Variants in AFAP1 observed in about 807,000 individuals in gnomAD.
AFAP1 encodes actin filament associated protein 1.
Under a neutral mutation model 93.9 loss-of-function variants are expected in AFAP1, and 75 were observed. The observed-to-expected ratio is 0.80, with a 90% CI of 0.66 to 0.97. AFAP1 has a LOEUF of 0.97. AFAP1 is among the 50% of genes least tolerant of loss of function. The probability of loss-of-function intolerance (pLI) is 0.00; values close to 1 mark genes in which losing one functional copy is unlikely to be tolerated. For synonymous variants in AFAP1, 517 were observed against 430.7 expected (o/e 1.20, Z -2.48); for missense variants, 1,201 against 1,050.8 (o/e 1.14, Z -1.98).
At chr4:7,870,573 C>T (rs534447049) in intron 2 of AFAP1, among the ~76,000 whole-genome samples, 1 of 152,132 alleles carries the variant, frequency 6.6e-6, no homozygotes, top group East Asian at 1.9e-4. Flanking sequence ...GGGAGGATCA[C>T]CTGAGCCTGG....
intron 1 of AFAP1, among the ~76,000 whole-genome samples, chr4:7,930,446 A>T (rs1281841108): frequency 6.6e-6 from 1 of 151,824 alleles, no homozygotes; most frequent in Non-Finnish European, 1.5e-5. Flanking sequence ...CCCTCCCCGG[A>T]GGTAGGGGTA....
intron 1 of AFAP1, among the ~76,000 whole-genome samples, chr4:7,930,137 G>A (rs1577368322): frequency 6.6e-6 from 1 of 152,286 alleles, no homozygotes; most frequent in South Asian, 2.1e-4. Flanking sequence ...CACACAAAGT[G>A]CTTGGCACTT....
intron 1 of AFAP1, among the ~76,000 whole-genome samples, chr4:7,928,638 G>A (rs896697900): frequency 1.3e-5 from 2 of 152,100 alleles, no homozygotes; most frequent in Non-Finnish European, 2.9e-5. Flanking sequence ...CGCCCACCTT[G>A]GCCTCCCAAA....
intron 2 of AFAP1, among the ~76,000 whole-genome samples, chr4:7,869,916 G>A (rs1716879023): frequency 6.6e-6 from 1 of 152,184 alleles, no homozygotes; most frequent in Non-Finnish European, 1.5e-5. Context: ...AAGAATTCAT[G>A]AATTGAAAAA....
intron 6 of AFAP1, among the ~76,000 whole-genome samples, chr4:7,826,394 G>A (rs1409995486): frequency 6.6e-6 from 1 of 152,068 alleles, no homozygotes; most frequent in Non-Finnish European, 1.5e-5. Context: ...GCAGAGAGAC[G>A]CCCCTCCCAG....
intron 14 of AFAP1, chr4:7,775,244 A>T (rs1383918202): frequency 9.7e-6 from 2 of 206,956 alleles, no homozygotes; most frequent in East Asian, 1.3e-4. Flanking sequence ...CTAATTCAAC[A>T]AGAAAAGGAC....
At chr4:7,920,967 A>G (rs965992273) in intron 1 of AFAP1, among the ~76,000 whole-genome samples, 6 of 151,608 alleles carry the variant, frequency 4.0e-5, no homozygotes, top group East Asian at 3.9e-4. Context: ...TAAACTATAT[A>G]TTATATATAT....
intron 1 of AFAP1, among the ~76,000 whole-genome samples, chr4:7,873,273 C>T (rs543350306): frequency 7.1e-6 from 1 of 141,272 alleles, no homozygotes; most frequent in South Asian, 2.2e-4. Flanking sequence ...CCCACTTTCA[C>T]TTAGGAGTGT....
intron 10 of AFAP1, 128 bp from the exon 11 acceptor site, chr4:7,793,954 A>G: frequency 9.9e-6 from 11 of 1,110,644 alleles, no homozygotes; most frequent in Non-Finnish European, 1.3e-5. Context: ...AGAAACGAAA[A>G]GGAAGATGGC....
intron 1 of AFAP1, among the ~76,000 whole-genome samples, chr4:7,877,265 T>C (rs1430976279): frequency 1.3e-5 from 2 of 152,232 alleles, no homozygotes; most frequent in East Asian, 3.8e-4. Context: ...AGGAAGAGAA[T>C]GACCATTTTC....
intron 13 of AFAP1, among the ~76,000 whole-genome samples, chr4:7,780,079 T>C (rs1716595734): frequency 6.6e-6 from 1 of 152,212 alleles, no homozygotes; most frequent in South Asian, 2.1e-4. Context: ...GCAACTCTAA[T>C]GCCAATAAAA....
At chr4:7,876,143 C>G (rs1260781956) in intron 1 of AFAP1, among the ~76,000 whole-genome samples, 1 of 152,204 alleles carries the variant, frequency 6.6e-6, no homozygotes, top group Admixed American at 6.5e-5. Context: ...CTGAAGAGAA[C>G]CTAAGGATGC....
chr4:7,832,801 T>C (rs1045557694), intron 6 of AFAP1, among the ~76,000 whole-genome samples: 1 of 152,124 alleles, frequency 6.6e-6, no homozygotes, highest in Non-Finnish European at 1.5e-5. Flanking sequence ...AGCATGGTAC[T>C]GGTATAAAAA....
intron 1 of AFAP1, among the ~76,000 whole-genome samples, chr4:7,936,656 A>C (rs960292351): frequency 1.3e-5 from 2 of 148,898 alleles, no homozygotes; most frequent in African/African-American, 5.0e-5. Context: ...ATATCGGCTC[A>C]CTGCAATCTC....
At chr4:7,923,644 A>G (rs1185073788) in intron 1 of AFAP1, among the ~76,000 whole-genome samples, 3 of 152,114 alleles carry the variant, frequency 2.0e-5, no homozygotes, top group South Asian at 2.1e-4. Context: ...ACGCCCAACT[A>G]ATTTTTGTAT....
At chr4:7,813,744 T>C (rs1004685516) in intron 8 of AFAP1, among the ~76,000 whole-genome samples, 3 of 152,174 alleles carry the variant, frequency 2.0e-5, no homozygotes, top group African/African-American at 7.2e-5. Context: ...TGCACTCAGA[T>C]AGGACAGACT....
rs1196323688 is a variant in AFAP1 at position 7,872,905 on chromosome 4, T to C, written c.-2-825A>G. ...CTAGCGGTCATGATATCCTTCACCA[T>C]ATACTCACAGGTTTTTTTTCCTTTT... On this transcript the variant is annotated intron_variant, in intron 1 of 17. Transcript: ENST00000420658. Among the ~76,000 whole-genome samples the C allele has an allele frequency of 3.7e-5, 5 of 136,254 alleles. No individual in the cohort carries two copies. In the East Asian group the frequency reaches 9.4e-4, roughly 26 times the overall value. The allele number at this position is 136,254 out of a possible 152,430, so 89.4% of individuals were successfully genotyped here.
chr4:7,864,963 G>A (rs1716237889), intron 3 of AFAP1, among the ~76,000 whole-genome samples: 1 of 152,038 alleles, frequency 6.6e-6, no homozygotes, highest in Non-Finnish European at 1.5e-5. Flanking sequence ...GGGCAACAAA[G>A]TAAGGACCTG....
At chr4:7,870,384 G>A (rs1018063750) in intron 2 of AFAP1, among the ~76,000 whole-genome samples, 2 of 152,196 alleles carry the variant, frequency 1.3e-5, no homozygotes, top group African/African-American at 2.4e-5. Context: ...TTCAGGCCAG[G>A]CGCAATGGTT....
Sources: gnomAD v4.1 joint callset for allele counts (sites outside exome capture counted in the v4.1 genomes callset) on GRCh38, gnomAD v4.1.1 for gene constraint, MANE v1.5 for transcripts, NCBI Gene and HGNC (gene_info 2026-07-23, HGNC 2026-07-21) for gene names.